TESC: variants seen among roughly 807,000 people sequenced by gnomAD.
TESC encodes the protein tescalcin.
Under a neutral mutation model 31.0 loss-of-function variants are expected in TESC, and 19 were observed. The ratio of observed to expected loss-of-function variants is 0.61; its 90% CI spans 0.43 to 0.90. TESC has a LOEUF of 0.90. TESC is among the 40% of genes least tolerant of loss of function. The pLI is 0.00. For synonymous variants in TESC, 109 were observed against 114.8 expected (o/e 0.95, Z 0.32); for missense variants, 248 against 303.8 (o/e 0.82, Z 1.36).
At position 117,059,628 on chromosome 12, in the gene TESC, C is replaced by T. The variant is rs140587643; in HGVS notation, c.129-2742G>A. Among the ~76,000 whole-genome samples the T allele has an allele frequency of 9.6e-3, 1,458 of 152,276 alleles. 23 individuals are homozygous for T. The highest frequency in any genetic ancestry group is 0.033 in the African/African-American group (1,385 of 41,556). On this transcript the variant is annotated intron_variant, in intron 2 of 7. Coordinates refer to ENST00000335209, the MANE Select transcript of TESC (RefSeq NM_017899.4). Reference sequence around the variant, plus strand: ...AGGCTGGAGCGCGGTGGCACAATCTCGGCTCAATCTCCATGGGCCTGCTCC... The same window carrying T: ...AGGCTGGAGCGCGGTGGCACAATCTTGGCTCAATCTCCATGGGCCTGCTCC...
intron 7 of TESC, among the ~76,000 whole-genome samples, chr12:117,040,718 G>A (rs928770020): frequency 7.9e-5 from 12 of 152,296 alleles, no homozygotes; most frequent in South Asian, 6.2e-4. Flanking sequence ...GGCAGTCCAC[G>A]GGGCCTGCCG....
At chr12:117,057,596 C>T (rs1286260843) in intron 2 of TESC, among the ~76,000 whole-genome samples, 3 of 152,172 alleles carry the variant, frequency 2.0e-5, no homozygotes, top group Admixed American at 2.0e-4. Context: ...AAAGGTTAAA[C>T]ATGGAGTATT....
intron 2 of TESC, among the ~76,000 whole-genome samples, chr12:117,073,913 CA>C (rs34962443): frequency 5.6e-4 from 81 of 145,390 alleles, no homozygotes; most frequent in South Asian, 2.2e-3. Context: ...GACCACGTCT[CA>C]AAAAAAAAAA....
chr12:117,039,071 C>G lies in TESC; in HGVS notation c.*62G>C. On this transcript the variant is annotated 3_prime_UTR_variant, in exon 8 of 8. Transcript: ENST00000335209. ...GGCTGTCCGCCGGGCCTGGGCTGCT[C>G]CAGCTACGCGGGGAGGCGGCCCCAT... is the stretch of plus-strand genomic sequence containing the variant. 6.3e-7 allele frequency: 1 copy of G among 1,579,710 alleles called. No individual in the cohort carries two copies. Among genetic ancestry groups the G allele is most frequent in the Non-Finnish European group, 8.6e-7 (1 of 1,159,578 alleles).
chr12:117,075,913 A>ATATATATGTGTGTGTGTG (rs1265957613), intron 1 of TESC, among the ~76,000 whole-genome samples: 4 of 51,946 alleles, frequency 7.7e-5, no homozygotes, highest in African/African-American at 4.1e-4. Flanking sequence ...ATATATATAT[A>ATATATATGTGTGTGTGTG]TGTGTGTGTG....
intron 3 of TESC, among the ~76,000 whole-genome samples, chr12:117,049,816 G>A (rs61937039): frequency 3.3e-5 from 5 of 150,252 alleles, no homozygotes; most frequent in East Asian, 2.0e-4. Flanking sequence ...CGAGAGAATC[G>A]CTTGAACTCA....
At chr12:117,075,895 A>ATG (rs1294018242) in intron 1 of TESC, among the ~76,000 whole-genome samples, 13 of 83,018 alleles carry the variant, frequency 1.6e-4, no homozygotes, top group South Asian at 3.6e-4. Context: ...ATATATATAT[A>ATG]TATATATATA....
In TESC at chr12:117,097,087, A is replaced by G. The variant is rs1321008463; in HGVS notation, c.58+2138T>C. The stretch of plus-strand genomic sequence containing the variant: ...ACAGCAGCCTCTCCGAGTCATCTCT[A>G]AATCCCCAGCCCCTGGTCTATAAAT... On this transcript the variant is annotated intron_variant, in intron 1 of 7. Coordinates refer to ENST00000335209, the MANE Select transcript of TESC (RefSeq NM_017899.4). Among the ~76,000 whole-genome samples the G allele has an allele frequency of 2.0e-5, 3 of 152,166 alleles. No homozygotes were observed. The East Asian group carries it at 5.8e-4, about 29-fold the overall frequency.
At chr12:117,079,517 G>A (rs926422935) in intron 1 of TESC, among the ~76,000 whole-genome samples, 11 of 151,812 alleles carry the variant, frequency 7.2e-5, no homozygotes, top group African/African-American at 1.9e-4. Flanking sequence ...AGCCAAGATC[G>A]TGCCACTGCA....
intron 7 of TESC, 96 bp from the exon 8 acceptor site, chr12:117,039,306 C>T: frequency 1.7e-6 from 2 of 1,146,310 alleles, no homozygotes; most frequent in Non-Finnish European, 2.6e-6. Flanking sequence ...CTACCGTCTC[C>T]TGCCACCAAC....
At position 117,099,081 on chromosome 12, in the gene TESC, C is replaced by T. The variant is rs1297026083; in HGVS notation, c.58+144G>A. On this transcript the variant is annotated intron_variant, in intron 1 of 7. Transcript: ENST00000335209. ...GCCCGCGAGGTGGCCAGCGGGGACC[C>T]ATTTGAAAGAGGAGGAGACTGAGGC... 2.0e-5 allele frequency: 17 copies of T among 836,880 alleles called. No homozygotes were observed. The South Asian group carries it at 3.3e-4, about 16-fold the overall frequency. 51.8% of individuals were successfully genotyped at this position (836,880 alleles called of 1,614,324 possible).
At chr12:117,061,303 G>A (rs1333759240) in intron 2 of TESC, among the ~76,000 whole-genome samples, 1 of 152,118 alleles carries the variant, frequency 6.6e-6, no homozygotes, top group African/African-American at 2.4e-5. Flanking sequence ...ATAATGAAGC[G>A]AATAATGAAG....
At chr12:117,079,341 C>G (rs1955114694) in intron 1 of TESC, among the ~76,000 whole-genome samples, 1 of 152,010 alleles carries the variant, frequency 6.6e-6, no homozygotes, top group African/African-American at 2.4e-5. Flanking sequence ...GCGGGTGGAT[C>G]ACTTGAGGTC....
intron 7 of TESC, among the ~76,000 whole-genome samples, chr12:117,041,444 C>T (rs184793400): frequency 1.3e-4 from 20 of 152,088 alleles, no homozygotes; most frequent in South Asian, 6.2e-4. Flanking sequence ...GCGATCCTCC[C>T]GCCTCTGCCT....
intron 4 of TESC, chr12:117,048,764 T>C: frequency 1.6e-6 from 1 of 635,030 alleles, no homozygotes; most frequent in African/African-American, 1.8e-5. Context: ...AAGGGCCTTG[T>C]TTCACATCCA....
intron 1 of TESC, among the ~76,000 whole-genome samples, chr12:117,078,843 T>C (rs749804410): frequency 1.9e-4 from 29 of 152,360 alleles, no homozygotes; most frequent in Non-Finnish European, 3.5e-4. Context: ...GTACAATGTA[T>C]ATGTATTAGT....
chr12:117,093,547 C>T (rs997303561), intron 1 of TESC, among the ~76,000 whole-genome samples: 6 of 152,248 alleles, frequency 3.9e-5, no homozygotes, highest in African/African-American at 1.4e-4. Flanking sequence ...GCATGAGCCA[C>T]CGCACCAGCC....
At chr12:117,072,255 C>T (rs1954984514) in intron 2 of TESC, among the ~76,000 whole-genome samples, 1 of 152,130 alleles carries the variant, frequency 6.6e-6, no homozygotes, top group African/African-American at 2.4e-5. Flanking sequence ...AACTGCCCTG[C>T]TTGCACCTGC....
chr12:117,044,438 G>A (rs574730209), intron 6 of TESC, among the ~76,000 whole-genome samples: 1 of 152,290 alleles, frequency 6.6e-6, no homozygotes, highest in Admixed American at 6.5e-5. Flanking sequence ...GCCAAGGGGA[G>A]CTAATTATAG....
Sources: allele counts gnomAD v4.1 joint callset (sites outside exome capture counted in the v4.1 genomes callset), GRCh38; gene constraint gnomAD v4.1.1; transcripts MANE v1.5; gene names NCBI Gene and HGNC (gene_info 2026-07-23, HGNC 2026-07-21).